Variants in ATG14 observed in about 807,000 individuals in gnomAD.
ATG14 encodes the protein beclin 1-associated autophagy-related key regulator.
A neutral mutation model predicts 60.4 loss-of-function variants in ATG14; 35 were observed. The observed-to-expected ratio is 0.58, with a 90% CI of 0.44 to 0.77. The LOEUF (loss-of-function observed/expected upper bound fraction) is 0.77, where lower values mean the gene tolerates loss of function less well. ATG14 is among the 30% of genes least tolerant of loss of function. The pLI, the probability that ATG14 is intolerant of heterozygous loss-of-function variation, is 0.00. For missense variants in ATG14, 647 were observed against 626.3 expected (o/e 1.03, Z -0.35); for synonymous variants, 234 against 228.8 (o/e 1.02, Z -0.21).
At chr14:55,402,941 ATATATATATATATATATATATATATAT>A (rs1885430002) in intron 1 of ATG14, among the ~76,000 whole-genome samples, 2 of 48,718 alleles carry the variant, frequency 4.1e-5, no homozygotes, top group Admixed American at 4.2e-4. Context: ...ATATATATAT[ATATATATATATATATATATATATATAT>A]AAATAGCTGG....
Position 55,397,405 on chromosome 14 carries a change from C to T in ATG14, c.251G>A (p.Arg84Gln), listed in dbSNP as rs560262834. ...AAATTCTTCTTGCTTGCTCTTAAGT[C>T]GGCTTAACCTTTCCTTCTTGTCGAT... is the stretch of plus-strand genomic sequence containing the variant. ...RFIDKKERLS[R>Q]LKSKQEEFQK... is the part of the protein sequence containing the mutation. Residue 84 changes from arginine to glutamine, a missense_variant, in exon 2 of 10, where the codon CGA (arginine) becomes CAA (glutamine). Coordinates refer to ENST00000247178, the MANE Select transcript of ATG14 (RefSeq NM_014924.5). 5 of 1,613,570 alleles carry T rather than the reference C, an allele frequency of 3.1e-6. No individual in the cohort carries two copies. The South Asian group carries it at 4.4e-5, about 14-fold the overall frequency.
chr14:55,369,957 T>C, intron 9 of ATG14, 32 bp from the exon 10 acceptor site: 2 of 1,545,230 alleles, frequency 1.3e-6, no homozygotes, highest in Middle Eastern at 1.7e-4. Context: ...CTCTTTAGGA[T>C]AACAACCATT....
intron 9 of ATG14, 64 bp from the exon 10 acceptor site, chr14:55,369,989 A>G: frequency 6.8e-7 from 1 of 1,480,876 alleles, no homozygotes; most frequent in Non-Finnish European, 9.1e-7. Context: ...AAAATATGCC[A>G]TCTTCCTGAA....
chr14:55,395,011 G>A (rs918381301), intron 3 of ATG14: 5 of 466,484 alleles, frequency 1.1e-5, no homozygotes, highest in Admixed American at 7.1e-5. Flanking sequence ...GTTTTCTGCA[G>A]GTAAATCTTC....
intron 1 of ATG14, among the ~76,000 whole-genome samples, chr14:55,406,560 G>A (rs1040729329): frequency 1.3e-5 from 2 of 152,216 alleles, no homozygotes; most frequent in African/African-American, 4.8e-5. Context: ...GCAGAGACCT[G>A]TCTTTCTCCT....
intron 3 of ATG14, chr14:55,395,223 C>T (rs1024695004): frequency 5.5e-6 from 2 of 366,884 alleles, no homozygotes; most frequent in Non-Finnish European, 1.1e-5. Context: ...GCTGACCTTC[C>T]TCTTGGGCAT....
Position 55,368,023 on chromosome 14 carries a change from A to C in ATG14, c.*1596T>G, listed in dbSNP as rs576528270. ...AGAGGTGCTATCATGCCAATCACAT[A>C]AGATATGGTAATAATGCCTGTTAGG... On this transcript the variant is annotated 3_prime_UTR_variant, in exon 10 of 10. Coordinates refer to ENST00000247178, the MANE Select transcript of ATG14 (RefSeq NM_014924.5). The C allele has an allele frequency of 6.5e-6, 1 of 152,748 alleles. No homozygotes were observed. Among genetic ancestry groups the C allele is most frequent in the East Asian group, 1.9e-4 (1 of 5,190 alleles). 9.5% of individuals were successfully genotyped at this position (152,748 alleles called of 1,614,324 possible). A position where few individuals can be genotyped will look rare whatever the true frequency, so the allele number is the denominator to read the frequency against.
chr14:55,375,403 G>A (rs979341551), intron 9 of ATG14, among the ~76,000 whole-genome samples: 5 of 151,514 alleles, frequency 3.3e-5, no homozygotes, highest in Non-Finnish European at 4.4e-5. Context: ...AACTTCCACA[G>A]CCTGGAGCTC....
At chr14:55,402,868 G>C (rs1328521398) in intron 1 of ATG14, among the ~76,000 whole-genome samples, 1 of 95,922 alleles carries the variant, frequency 1.0e-5, no homozygotes, top group Non-Finnish European at 1.9e-5. Context: ...GACCAGCCTG[G>C]CAACATAGTA....
intron 1 of ATG14, among the ~76,000 whole-genome samples, chr14:55,400,747 A>T (rs1885383916): frequency 6.6e-6 from 1 of 152,092 alleles, no homozygotes; most frequent in South Asian, 2.1e-4. Context: ...TACTAAAAAT[A>T]CAAAAAATTA....
chr14:55,378,294 T>C (rs900196862), intron 7 of ATG14, among the ~76,000 whole-genome samples: 4 of 152,224 alleles, frequency 2.6e-5, no homozygotes, highest in African/African-American at 9.6e-5. Flanking sequence ...GACCAAGCAA[T>C]TCCACGTCAG....
intron 6 of ATG14, 96 bp downstream of exon 6, chr14:55,381,866 C>T (rs1258560873): frequency 9.8e-7 from 1 of 1,018,216 alleles, no homozygotes; most frequent in Non-Finnish European, 1.5e-6. Context: ...ACTAAATGCC[C>T]CTGAATGGTT....
intron 1 of ATG14, among the ~76,000 whole-genome samples, chr14:55,400,963 T>G (rs931975637): frequency 3.3e-5 from 5 of 151,230 alleles, no homozygotes; most frequent in Admixed American, 2.6e-4. Flanking sequence ...TAAAATAAAC[T>G]GCTTAGTCAA....
chr14:55,405,767 G>A (rs1231579875), intron 1 of ATG14, among the ~76,000 whole-genome samples: 2 of 151,878 alleles, frequency 1.3e-5, no homozygotes, highest in Admixed American at 6.6e-5. Context: ...TGTGTTGGAG[G>A]TACTGCCTAA....
intron 6 of ATG14, among the ~76,000 whole-genome samples, 185 bp from the exon 7 acceptor site, chr14:55,380,875 A>ATATATATATATATTTTTTTTTTTT (rs377330757): frequency 1.8e-5 from 2 of 112,732 alleles, no homozygotes; most frequent in Non-Finnish European, 1.7e-5. Context: ...ATATATATAT[A>ATATATATATATATTTTTTTTTTTT]TTTTTTTTTT....
chr14:55,404,802 T>G (rs1885463618), intron 1 of ATG14, among the ~76,000 whole-genome samples: 4 of 152,036 alleles, frequency 2.6e-5, no homozygotes, highest in Admixed American at 2.0e-4. Flanking sequence ...ACATGCAGAG[T>G]ATAAAAATAT....
intron 5 of ATG14, among the ~76,000 whole-genome samples, chr14:55,383,549 TCAAAAAAACA>T: frequency 6.6e-6 from 1 of 150,496 alleles, no homozygotes; most frequent in South Asian, 2.1e-4. Context: ...AGACTCCATC[TCAAAAAAACA>T]CAAAAAAACA....
chr14:55,397,713 C>T (rs1468711306), intron 1 of ATG14, among the ~76,000 whole-genome samples: 1 of 152,204 alleles, frequency 6.6e-6, no homozygotes, highest in East Asian at 1.9e-4. Context: ...AAAACAGGCA[C>T]ATCAGAACAC....
chr14:55,376,281 A>G (rs1884918305), intron 9 of ATG14, among the ~76,000 whole-genome samples: 1 of 152,228 alleles, frequency 6.6e-6, no homozygotes, highest in South Asian at 2.1e-4. Flanking sequence ...GGCCCAATAA[A>G]TATTAGCTCT....
Sources: gnomAD v4.1 joint callset for allele counts (sites outside exome capture counted in the v4.1 genomes callset) on GRCh38, gnomAD v4.1.1 for gene constraint, MANE v1.5 for transcripts, NCBI Gene and HGNC (gene_info 2026-07-23, HGNC 2026-07-21) for gene names.